CDH12: variants seen among roughly 807,000 people sequenced by gnomAD.
CDH12 encodes cadherin 12.
A neutral mutation model predicts 74.1 loss-of-function variants in CDH12; 41 were observed. That is an observed-to-expected ratio of 0.55 (90% CI 0.43 to 0.72). CDH12 has a LOEUF of 0.72. Among genes scored for constraint, CDH12 ranks in the 30% least tolerant of loss-of-function variants. The probability of loss-of-function intolerance (pLI) is 0.00; values close to 1 mark genes in which losing one functional copy is unlikely to be tolerated. For missense variants in CDH12, 945 were observed against 977.2 expected (o/e 0.97, Z 0.44); for synonymous variants, 399 against 355.0 (o/e 1.12, Z -1.39).
At chr5:22,638,446 G>A (rs1738954772) in intron 1 of CDH12, among the ~76,000 whole-genome samples, 1 of 152,100 alleles carries the variant, frequency 6.6e-6, no homozygotes, top group Non-Finnish European at 1.5e-5. Flanking sequence ...GATGGAGGCT[G>A]GAAGAGTCAG....
At chr5:22,620,276 T>C (rs1737907548) in intron 1 of CDH12, among the ~76,000 whole-genome samples, 1 of 152,054 alleles carries the variant, frequency 6.6e-6, no homozygotes, top group Admixed American at 6.6e-5. Context: ...CTTAAATGTA[T>C]GGTGAAGTTC....
intron 1 of CDH12, among the ~76,000 whole-genome samples, chr5:22,609,483 T>G (rs530218946): frequency 6.6e-6 from 1 of 152,340 alleles, no homozygotes; most frequent in East Asian, 1.9e-4. Context: ...TATCTTTATA[T>G]CTCCAATTCT....
intron 1 of CDH12, among the ~76,000 whole-genome samples, chr5:22,700,561 T>G (rs1055542811): frequency 2.0e-5 from 3 of 152,246 alleles, no homozygotes; most frequent in Admixed American, 2.0e-4. Flanking sequence ...GCAAAGTTTC[T>G]TATCGCCTAA....
chr5:21,986,276 AG>A (rs1260322539), intron 5 of CDH12, among the ~76,000 whole-genome samples: 1 of 152,204 alleles, frequency 6.6e-6, no homozygotes, highest in Non-Finnish European at 1.5e-5. Context: ...ATCCTGTTAT[AG>A]AAAAAAAATA....
At chr5:21,952,099 T>C (rs1039420572) in intron 6 of CDH12, among the ~76,000 whole-genome samples, 1 of 152,232 alleles carries the variant, frequency 6.6e-6, no homozygotes, top group African/African-American at 2.4e-5. Flanking sequence ...TTCTCTCATC[T>C]GGAAGATGAG....
intron 6 of CDH12, among the ~76,000 whole-genome samples, chr5:21,864,624 G>A (rs1369165039): frequency 6.6e-6 from 1 of 152,126 alleles, no homozygotes; most frequent in Non-Finnish European, 1.5e-5. Flanking sequence ...AGACTAATTG[G>A]TCAGAAAATT....
chr5:22,389,486 A>C (rs1189497703), intron 3 of CDH12, among the ~76,000 whole-genome samples: 5 of 152,128 alleles, frequency 3.3e-5, no homozygotes, highest in Non-Finnish European at 5.9e-5. Flanking sequence ...AAGAGTAAGA[A>C]GTCTTTATTA....
chr5:22,485,332 C>G (rs974694647), intron 2 of CDH12, among the ~76,000 whole-genome samples: 11 of 152,122 alleles, frequency 7.2e-5, no homozygotes, highest in Non-Finnish European at 1.5e-4. Context: ...CAGGCACATG[C>G]CACCATGCCC....
chr5:21,918,278 T>C (rs1450136478), intron 6 of CDH12, among the ~76,000 whole-genome samples: 1 of 152,156 alleles, frequency 6.6e-6, no homozygotes, highest in Non-Finnish European at 1.5e-5. Flanking sequence ...CATTTAAGTG[T>C]GTGTTGTAAT....
chr5:22,566,675 G>C (rs981913388), intron 1 of CDH12, among the ~76,000 whole-genome samples: 1 of 152,118 alleles, frequency 6.6e-6, no homozygotes, highest in African/African-American at 2.4e-5. Flanking sequence ...CAAAAATGCT[G>C]GTTAGCGTCC....
chr5:22,249,255 C>T (rs1398947345), intron 3 of CDH12, among the ~76,000 whole-genome samples: 1 of 152,158 alleles, frequency 6.6e-6, no homozygotes, highest in Non-Finnish European at 1.5e-5. Flanking sequence ...TGTGAATTAT[C>T]TGTCAAGGTT....
At chr5:22,254,906 C>T (rs1233608456) in intron 3 of CDH12, among the ~76,000 whole-genome samples, 1 of 151,802 alleles carries the variant, frequency 6.6e-6, no homozygotes, top group Admixed American at 6.6e-5. Context: ...CCATTTCAAT[C>T]TTTTAGTTAT....
At chr5:21,989,748 G>A (rs1757669568) in intron 5 of CDH12, among the ~76,000 whole-genome samples, 1 of 152,136 alleles carries the variant, frequency 6.6e-6, no homozygotes, top group Non-Finnish European at 1.5e-5. Context: ...ATATATTTAT[G>A]ATTTCCAAAT....
chr5:22,443,056 T>TC (rs1318535474), intron 2 of CDH12, among the ~76,000 whole-genome samples: 1 of 152,148 alleles, frequency 6.6e-6, no homozygotes, highest in Non-Finnish European at 1.5e-5. Context: ...TCATCTGGAT[T>TC]CCTGCACTCT....
At position 22,796,674 on chromosome 5, in the gene CDH12, T is replaced by C. The variant is rs924272682; in HGVS notation, c.-523+56384A>G. 5.1e-4 allele frequency among the ~76,000 whole-genome samples: 68 copies of C among 132,822 alleles called. 8 individuals carry two copies. Among genetic ancestry groups the C allele is most frequent in the Non-Finnish European group, 9.2e-4 (59 of 64,126 alleles). The allele number at this position is 132,822 out of a possible 152,430, so 87.1% of individuals were successfully genotyped here. On this transcript the variant is annotated intron_variant, in intron 1 of 14. Transcript: ENST00000382254. ...AGCTGGGACTACAGGCGCCCGCCACTACGCCCGGCTAATTTTTTTGTATTT... is the reference window on the plus strand; with the variant it reads ...AGCTGGGACTACAGGCGCCCGCCACCACGCCCGGCTAATTTTTTTGTATTT...
chr5:22,795,938 A>C (rs1748180513), intron 1 of CDH12, among the ~76,000 whole-genome samples: 1 of 152,106 alleles, frequency 6.6e-6, no homozygotes, highest in African/African-American at 2.4e-5. Flanking sequence ...GATAACATAT[A>C]AGTGTTAAGT....
chr5:22,482,451 T>C (rs1746421313), intron 2 of CDH12, among the ~76,000 whole-genome samples: 5 of 152,156 alleles, frequency 3.3e-5, no homozygotes, highest in Admixed American at 3.3e-4. Context: ...TACCTTTATG[T>C]TGAACAAACC....
chr5:22,100,828 T>C (rs765892211), intron 4 of CDH12, among the ~76,000 whole-genome samples: 4 of 152,154 alleles, frequency 2.6e-5, no homozygotes, highest in Non-Finnish European at 5.9e-5. Context: ...ACTGGGGATA[T>C]AAATGGGTTT....
At chr5:22,322,128 C>T (rs974839876) in intron 3 of CDH12, among the ~76,000 whole-genome samples, 1 of 151,924 alleles carries the variant, frequency 6.6e-6, no homozygotes, top group Non-Finnish European at 1.5e-5. Flanking sequence ...GGATGAGAGT[C>T]AGGAAAACTT....
Sources: gnomAD v4.1 joint callset for allele counts (sites outside exome capture counted in the v4.1 genomes callset) on GRCh38, gnomAD v4.1.1 for gene constraint, MANE v1.5 for transcripts, NCBI Gene and HGNC (gene_info 2026-07-23, HGNC 2026-07-21) for gene names.